The following DOCK2 variants were observed in gnomAD, a reference collection of about 807,000 sequenced individuals.
DOCK2 encodes dedicator of cytokinesis 2.
A neutral mutation model predicts 248.9 loss-of-function variants in DOCK2; 87 were observed. The ratio of observed to expected loss-of-function variants is 0.35; its 90% CI spans 0.29 to 0.42. DOCK2 has a LOEUF of 0.42. Among genes scored for constraint, DOCK2 ranks in the 10% least tolerant of loss-of-function variants. The probability of loss-of-function intolerance (pLI) is 1.00; values close to 1 mark genes in which losing one functional copy is unlikely to be tolerated. For missense variants in DOCK2, 1,747 were observed against 2,300.2 expected (o/e 0.76, Z 4.92); for synonymous variants, 805 against 821.6 (o/e 0.98, Z 0.35).
chr5:169,681,113 C>CTTTTT (rs764614478), intron 6 of DOCK2, among the ~76,000 whole-genome samples: 9 of 94,234 alleles, frequency 9.6e-5, no homozygotes, highest in Non-Finnish European at 1.3e-4. Flanking sequence ...TTTAGTAGAC[C>CTTTTT]TTTTTTTTTT....
rs750236236 is a variant in DOCK2 at position 169,702,420 on chromosome 5, C to T, written c.1376C>T (p.Thr459Met). ...TGTGTGTGCGCGGAGGATGGCAAAA[C>T]GCTGCCTGTAAGGGACTCACTGCTG... is the stretch of plus-strand genomic sequence containing the variant. ...IMCVCAEDGK[T>M]LPNAICVGAG... Residue 459 changes from threonine to methionine, a missense_variant, in exon 14 of 52, where the codon ACG becomes ATG. Physicochemically the swap from Thr to Met is moderately conservative, Grantham distance 81 (BLOSUM62 -1). Coordinates refer to ENST00000520908, the MANE Select transcript of DOCK2 (RefSeq NM_004946.3). The T allele has an allele frequency of 1.4e-5, 22 of 1,613,548 alleles. No individual in the cohort carries two copies. In the Admixed American group the frequency reaches 2.2e-4, roughly 16 times the overall value.
At chr5:169,650,139 A>G (rs909020741) in intron 1 of DOCK2, among the ~76,000 whole-genome samples, 11 of 152,168 alleles carry the variant, frequency 7.2e-5, no homozygotes, top group African/African-American at 2.7e-4. Flanking sequence ...CTGTGACTAT[A>G]GTACTCAGAG....
intron 36 of DOCK2, among the ~76,000 whole-genome samples, chr5:170,040,265 A>T (rs1234610927): frequency 2.6e-5 from 4 of 152,208 alleles, no homozygotes; most frequent in African/African-American, 9.7e-5. Flanking sequence ...AATACCTATT[A>T]TGGATCAGTT....
chr5:169,637,533 C>T (rs1025061924), intron 1 of DOCK2, among the ~76,000 whole-genome samples, 164 bp downstream of exon 1: 42 of 152,216 alleles, frequency 2.8e-4, no homozygotes, highest in African/African-American at 9.6e-4. Context: ...AGCCGAGGCT[C>T]GGGGAGAGGA....
chr5:169,666,546 C>A (rs137949672), intron 2 of DOCK2, among the ~76,000 whole-genome samples: 3 of 152,166 alleles, frequency 2.0e-5, no homozygotes, highest in Non-Finnish European at 2.9e-5. Flanking sequence ...GAATTTTTCT[C>A]TTTTGTACCA....
At chr5:170,052,245 C>T (rs1756944337) in intron 41 of DOCK2, among the ~76,000 whole-genome samples, 1 of 152,172 alleles carries the variant, frequency 6.6e-6, no homozygotes, top group African/African-American at 2.4e-5. Context: ...ACCTGCTCTA[C>T]CATGGTTATT....
In DOCK2 at chr5:169,810,900, A is replaced by G. The variant is rs143335752; in HGVS notation, c.2703+7694A>G. ...TCCACATGCCCCCCACCCCCCATGA[A>G]TGATTTGTCTAATGCGTTGAATATG... On this transcript the variant is annotated intron_variant, in intron 26 of 51. Coordinates refer to ENST00000520908, the MANE Select transcript of DOCK2 (RefSeq NM_004946.3). 4.9e-3 allele frequency among the ~76,000 whole-genome samples: 741 copies of G among 151,490 alleles called. 3 individuals are homozygous for G. The highest frequency in any genetic ancestry group is 8.0e-3 in the Non-Finnish European group (542 of 67,858).
chr5:169,811,178 T>C (rs1767729176), intron 26 of DOCK2, among the ~76,000 whole-genome samples: 1 of 152,126 alleles, frequency 6.6e-6, no homozygotes, highest in African/African-American at 2.4e-5. Context: ...GCCCCTGACC[T>C]GCGTGTGGGA....
intron 27 of DOCK2, among the ~76,000 whole-genome samples, chr5:169,975,861 A>G (rs893856565): frequency 6.6e-6 from 1 of 152,224 alleles, no homozygotes; most frequent in African/African-American, 2.4e-5. Context: ...TATCCCCAGC[A>G]TCTAAAACCA....
intron 44 of DOCK2, among the ~76,000 whole-genome samples, chr5:170,061,583 C>T (rs916893108): frequency 2.0e-5 from 3 of 152,218 alleles, no homozygotes; most frequent in African/African-American, 7.2e-5. Context: ...TATACAACCC[C>T]TGTAATGACC....
intron 27 of DOCK2, among the ~76,000 whole-genome samples, chr5:169,918,316 T>C (rs1447008634): frequency 6.6e-6 from 1 of 152,244 alleles, no homozygotes; most frequent in Non-Finnish European, 1.5e-5. Flanking sequence ...AATTATACTC[T>C]GCCTATATAT....
chr5:169,807,833 C>CAAAAAAAA (rs61670398), intron 26 of DOCK2, among the ~76,000 whole-genome samples: 314 of 24,220 alleles, frequency 0.013, 28 homozygotes, highest in Non-Finnish European at 0.021. Flanking sequence ...GACTCTGTCT[C>CAAAAAAAA]AAAAAAAAAA....
At chr5:169,968,863 G>T (rs536360858) in intron 27 of DOCK2, among the ~76,000 whole-genome samples, 1 of 152,292 alleles carries the variant, frequency 6.6e-6, no homozygotes, top group Non-Finnish European at 1.5e-5. Flanking sequence ...CCCGGGAGAA[G>T]AAATGGCACT....
chr5:169,802,580 G>C (rs1767068948), intron 25 of DOCK2, among the ~76,000 whole-genome samples: 1 of 151,870 alleles, frequency 6.6e-6, no homozygotes, highest in Non-Finnish European at 1.5e-5. Context: ...ATATTAGTGA[G>C]TGAAAAAAAA....
At chr5:169,723,863 A>C (rs756998190) in intron 22 of DOCK2, among the ~76,000 whole-genome samples, 17 of 152,156 alleles carry the variant, frequency 1.1e-4, no homozygotes, top group Non-Finnish European at 2.2e-4. Flanking sequence ...CTGGAATGTC[A>C]GATCCATCAG....
intron 2 of DOCK2, among the ~76,000 whole-genome samples, chr5:169,663,774 A>C (rs929158262): frequency 4.6e-5 from 7 of 152,218 alleles, no homozygotes; most frequent in Non-Finnish European, 7.3e-5. Flanking sequence ...CCCAGCCCAC[A>C]AAACCATATT....
At chr5:169,705,339 A>G (rs143923613) in intron 14 of DOCK2, among the ~76,000 whole-genome samples, 32 of 152,264 alleles carry the variant, frequency 2.1e-4, no homozygotes, top group South Asian at 4.2e-4. Context: ...TGAAAGAGAA[A>G]GGCTTAGATG....
chr5:169,754,931 A>ATTTATTTATTTATTTATTTG (rs1212208616), intron 23 of DOCK2, among the ~76,000 whole-genome samples: 4 of 148,510 alleles, frequency 2.7e-5, no homozygotes, highest in Non-Finnish European at 4.5e-5. Context: ...TTATTTATTT[A>ATTTATTTATTTATTTATTTG]TTTATTTATT....
chr5:170,039,579 G>A (rs1164473047), intron 36 of DOCK2, among the ~76,000 whole-genome samples: 1 of 152,192 alleles, frequency 6.6e-6, no homozygotes, highest in Admixed American at 6.5e-5. Flanking sequence ...ATCACCACTA[G>A]GTGACCTTTC....
Sources: gnomAD v4.1 joint callset for allele counts (sites outside exome capture counted in the v4.1 genomes callset) on GRCh38, gnomAD v4.1.1 for gene constraint, MANE v1.5 for transcripts, NCBI Gene and HGNC (gene_info 2026-07-23, HGNC 2026-07-21) for gene names.